RAB3IP: variants seen among roughly 807,000 people sequenced by gnomAD.
The protein encoded by RAB3IP is RAB3A interacting protein, also known as rab-3A-interacting protein.
Under a neutral mutation model 59.1 loss-of-function variants are expected in RAB3IP, and 36 were observed. The observed-to-expected ratio is 0.61, with a 90% CI of 0.47 to 0.80. The LOEUF is 0.80. Among genes scored for constraint, RAB3IP ranks in the 30% least tolerant of loss-of-function variants. RAB3IP has a pLI of 0.00. For synonymous variants in RAB3IP, 207 were observed against 191.2 expected, an observed-to-expected ratio of 1.08 and a Z score of -0.68; for missense variants, 511 against 536.0, an observed-to-expected ratio of 0.95 and a Z score of 0.46.
intron 8 of RAB3IP, among the ~76,000 whole-genome samples, chr12:69,802,720 A>G (rs1019443271): frequency 2.0e-5 from 3 of 152,210 alleles, no homozygotes; most frequent in African/African-American, 7.2e-5. Flanking sequence ...ATGAACTAAT[A>G]GGTCTGTGTT....
At position 69,755,388 on chromosome 12, in the gene RAB3IP, T is replaced by C. The variant is rs1218389390; in HGVS notation, c.-21T>C. On this transcript the variant is annotated 5_prime_UTR_variant, in exon 2 of 11. Coordinates refer to ENST00000247833, the MANE Select transcript of RAB3IP (RefSeq NM_022456.5). The stretch of plus-strand genomic sequence containing the variant: ...CTGCTTTTTGTTTTAACATAGGTTA[T>C]CTTATGATGAGGCTTTTGCTATGGC... The C allele has an allele frequency of 7.4e-6, 12 of 1,612,632 alleles. No homozygotes were observed. Among genetic ancestry groups the C allele is most frequent in the Non-Finnish European group, 1.0e-5 (12 of 1,179,190 alleles).
intron 1 of RAB3IP, among the ~76,000 whole-genome samples, chr12:69,742,843 A>T (rs1887486116): frequency 6.6e-6 from 1 of 152,208 alleles, no homozygotes; most frequent in African/African-American, 2.4e-5. Context: ...CATCGTACAT[A>T]GTCATGGTTA....
intron 3 of RAB3IP, among the ~76,000 whole-genome samples, chr12:69,771,281 A>C (rs1873063593): frequency 6.6e-6 from 1 of 152,198 alleles, no homozygotes; most frequent in African/African-American, 2.4e-5. Flanking sequence ...CTGTAATCCC[A>C]GCACTTTGGA....
intron 8 of RAB3IP, among the ~76,000 whole-genome samples, chr12:69,806,100 G>A (rs1879221262): frequency 1.3e-5 from 2 of 152,326 alleles, no homozygotes; most frequent in Middle Eastern, 3.4e-3. Context: ...GCCTCTGGTA[G>A]AATTCGGCTG....
chr12:69,768,016 C>T (rs542035797), intron 3 of RAB3IP, among the ~76,000 whole-genome samples: 1 of 151,798 alleles, frequency 6.6e-6, no homozygotes, highest in Non-Finnish European at 1.5e-5. Flanking sequence ...AGAAAGGGAA[C>T]CCCTCCACCA....
In RAB3IP at chr12:69,760,950, T is replaced by C. The variant is rs188283281; in HGVS notation, c.510+4287T>C. On this transcript the variant is annotated intron_variant, in intron 3 of 10. Coordinates refer to ENST00000247833, the MANE Select transcript of RAB3IP (RefSeq NM_022456.5). Reference sequence around the variant, plus strand: ...TGTAGGTTGTTAGTTTTCATAAAATTTGGGAAATTTTGGCCTTTATATCTT... The same window carrying C: ...TGTAGGTTGTTAGTTTTCATAAAATCTGGGAAATTTTGGCCTTTATATCTT... Among the ~76,000 whole-genome samples, 6 of 152,302 alleles carry C rather than the reference T, an allele frequency of 3.9e-5. No homozygotes were observed. In the East Asian group the frequency reaches 1.2e-3, roughly 29 times the overall value.
At chr12:69,798,562 C>T (rs1359015070) in intron 6 of RAB3IP, among the ~76,000 whole-genome samples, 1 of 151,928 alleles carries the variant, frequency 6.6e-6, no homozygotes, top group Non-Finnish European at 1.5e-5. Flanking sequence ...TCTTTTGTTG[C>T]CATTGCTTTT....
In RAB3IP at chr12:69,795,122, A is replaced by C. The variant is rs1430079568; in HGVS notation, c.685-19A>C. Reference sequence around the variant, plus strand: ...TGAAACGTATTTAATGTATGTGACTATGTTGATTTCTTTCCAAGATTGATG... The same window carrying C: ...TGAAACGTATTTAATGTATGTGACTCTGTTGATTTCTTTCCAAGATTGATG... On this transcript the variant is annotated intron_variant, in intron 5 of 10. Coordinates refer to ENST00000247833, the MANE Select transcript of RAB3IP (RefSeq NM_022456.5). 1 of 1,588,030 alleles carries C rather than the reference A, an allele frequency of 6.3e-7. No homozygotes were observed. The highest frequency in any genetic ancestry group is 1.1e-5 in the South Asian group (1 of 90,136).
intron 3 of RAB3IP, among the ~76,000 whole-genome samples, chr12:69,782,098 C>T (rs909660049): frequency 1.3e-5 from 2 of 152,224 alleles, no homozygotes; most frequent in Non-Finnish European, 2.9e-5. Flanking sequence ...ACAGTTACAA[C>T]ACCACTAACT....
rs536721592 is a variant in RAB3IP at position 69,794,967 on chromosome 12, A to C, written c.685-174A>C. Among the ~76,000 whole-genome samples, 96 of 152,332 alleles carry C rather than the reference A, an allele frequency of 6.3e-4. 1 individual carries two copies. The highest frequency in any genetic ancestry group is 3.4e-3 in the Middle Eastern group (1 of 294). On this transcript the variant is annotated intron_variant, in intron 5 of 10. Coordinates refer to ENST00000247833, the MANE Select transcript of RAB3IP (RefSeq NM_022456.5). ...ACGTTGTTAATAATAGATGAATCCA[A>C]ACCATATGGAAACATCAAAAAACTT...
intron 4 of RAB3IP, among the ~76,000 whole-genome samples, chr12:69,790,130 C>G (rs1485525248): frequency 6.6e-6 from 1 of 152,108 alleles, no homozygotes; most frequent in Admixed American, 6.6e-5. Flanking sequence ...GAAATAATCT[C>G]TGTGTGCAGA....
At position 69,766,301 on chromosome 12, in the gene RAB3IP, T is replaced by C. The variant is rs1872183958; in HGVS notation, c.510+9638T>C. ...TTAGGAATGCCAATAATTCATAGGT[T>C]TGTTTCTTTTATGTAATCCCATATT... On this transcript the variant is annotated intron_variant, in intron 3 of 10. Transcript: ENST00000247833. Among the ~76,000 whole-genome samples, 3 of 152,220 alleles carry C rather than the reference T, an allele frequency of 2.0e-5. No individual in the cohort carries two copies. In the South Asian group the frequency reaches 6.2e-4, roughly 31 times the overall value.
At chr12:69,783,900 G>A (rs1207242051) in intron 3 of RAB3IP, among the ~76,000 whole-genome samples, 1 of 152,118 alleles carries the variant, frequency 6.6e-6, no homozygotes, top group East Asian at 1.9e-4. Context: ...TCATATCCCT[G>A]TTGGTATATC....
chr12:69,759,029 G>C (rs561808593), intron 3 of RAB3IP, among the ~76,000 whole-genome samples: 1 of 149,770 alleles, frequency 6.7e-6, no homozygotes, highest in East Asian at 2.0e-4. Context: ...GGTGTTTCTC[G>C]CAGAGGGGGA....
chr12:69,813,261 T>C (rs1252895912), intron 10 of RAB3IP, among the ~76,000 whole-genome samples: 1 of 152,176 alleles, frequency 6.6e-6, no homozygotes, highest in Non-Finnish European at 1.5e-5. Context: ...CATTTTACTC[T>C]TAATTTTGAA....
intron 1 of RAB3IP, among the ~76,000 whole-genome samples, chr12:69,741,051 TA>T (rs1887283112): frequency 6.6e-6 from 1 of 152,242 alleles, no homozygotes; most frequent in Non-Finnish European, 1.5e-5. Flanking sequence ...TTGAAATTGC[TA>T]ATATTCTGCT....
chr12:69,784,844 C>A, intron 4 of RAB3IP, 29 bp downstream of exon 4: 2 of 1,288,974 alleles, frequency 1.6e-6, no homozygotes, highest in Non-Finnish European at 2.2e-6. Context: ...TGGCCAACAG[C>A]AACATCTTGA....
chr12:69,762,042 T>C lies in RAB3IP; in HGVS notation c.510+5379T>C, dbSNP rs999515673. 2.0e-5 allele frequency among the ~76,000 whole-genome samples: 3 copies of C among 152,218 alleles called. No homozygotes were observed. The East Asian group carries it at 5.8e-4, about 29-fold the overall frequency. On this transcript the variant is annotated intron_variant, in intron 3 of 10. Coordinates refer to ENST00000247833, the MANE Select transcript of RAB3IP (RefSeq NM_022456.5). ...TAGATATGATACACATCACTTTTGC[T>C]CACATTCTATTGGTGTGAACCTTTC... is the stretch of plus-strand genomic sequence containing the variant.
intron 1 of RAB3IP, among the ~76,000 whole-genome samples, chr12:69,755,179 A>G (rs1869987333): frequency 6.6e-6 from 1 of 152,124 alleles, no homozygotes. Context: ...TTTGGGCTCA[A>G]GCAATCCTCC....
Sources: gnomAD v4.1 joint callset for allele counts (sites outside exome capture counted in the v4.1 genomes callset) on GRCh38, gnomAD v4.1.1 for gene constraint, MANE v1.5 for transcripts, NCBI Gene and HGNC (gene_info 2026-07-23, HGNC 2026-07-21) for gene names.